Variants in ALDH4A1 observed in about 807,000 individuals in gnomAD.
ALDH4A1 encodes the protein delta-1-pyrroline-5-carboxylate dehydrogenase, mitochondrial.
A neutral mutation model predicts 70.5 loss-of-function variants in ALDH4A1; 46 were observed. That is an observed-to-expected ratio of 0.65 (90% confidence interval 0.51 to 0.83). The LOEUF is 0.83. ALDH4A1 is among the 40% of genes least tolerant of loss of function. The probability of loss-of-function intolerance (pLI) is 0.00; values close to 1 mark genes in which losing one functional copy is unlikely to be tolerated. For missense variants in ALDH4A1, 749 were observed against 766.5 expected, an observed-to-expected ratio of 0.98 and a Z score of 0.27; for synonymous variants, 323 against 324.3, an observed-to-expected ratio of 1.00 and a Z score of 0.04.
intron 1 of ALDH4A1, chr1:18,890,778 C>G (rs1359002839): frequency 3.0e-6 from 3 of 985,410 alleles, no homozygotes; most frequent in Non-Finnish European, 2.4e-6. Flanking sequence ...CCTTTCTTCT[C>G]CCACAAGGCA....
chr1:18,886,452 A>T lies in ALDH4A1; in HGVS notation c.297+12T>A. On this transcript the variant is annotated intron_variant, in intron 4 of 14. Transcript: ENST00000375341. ...CCTAACCCCGGGTCACCAGGCACACAGGCTCACTCACCTTGTCTGCATAAC... is the reference window on the plus strand; with the variant it reads ...CCTAACCCCGGGTCACCAGGCACACTGGCTCACTCACCTTGTCTGCATAAC... 1.9e-6 allele frequency: 3 copies of T among 1,614,096 alleles called. No homozygotes were observed. Among genetic ancestry groups the T allele is most frequent in the Non-Finnish European group, 2.5e-6 (3 of 1,179,950 alleles).
At chr1:18,888,922 T>C (rs1935326850) in intron 3 of ALDH4A1, among the ~76,000 whole-genome samples, 2 of 152,212 alleles carry the variant, frequency 1.3e-5, no homozygotes, top group East Asian at 1.9e-4. Context: ...GCTGACCTTT[T>C]ATTCTCCCTC....
intron 5 of ALDH4A1, among the ~76,000 whole-genome samples, chr1:18,883,673 T>C (rs1935081868): frequency 6.6e-6 from 1 of 152,218 alleles, no homozygotes; most frequent in African/African-American, 2.4e-5. Context: ...TTAGTGATCC[T>C]CTGTAGCAGG....
chr1:18,894,316 G>A (rs182805943), intron 1 of ALDH4A1, among the ~76,000 whole-genome samples: 19 of 152,286 alleles, frequency 1.2e-4, no homozygotes, highest in African/African-American at 2.4e-4. Context: ...TGAGGTGGGC[G>A]GATTGCTTGA....
intron 1 of ALDH4A1, among the ~76,000 whole-genome samples, chr1:18,900,582 T>G (rs1935767021): frequency 6.6e-6 from 1 of 152,158 alleles, no homozygotes; most frequent in Admixed American, 6.5e-5. Flanking sequence ...GAGACGCTGC[T>G]AAACATTCTA....
Position 18,871,923 on chromosome 1 carries a change from C to G in ALDH4A1, c.*922G>C, listed in dbSNP as rs538426496. Reference sequence around the variant, plus strand: ...AACGTCCTCGGCCCATGCTGACGAACCCAAGGCCAGGCCTCTGGGGGCTGG... The same window carrying G: ...AACGTCCTCGGCCCATGCTGACGAAGCCAAGGCCAGGCCTCTGGGGGCTGG... On this transcript the variant is annotated 3_prime_UTR_variant, in exon 15 of 15. Transcript: ENST00000375341. The G allele has an allele frequency of 6.6e-6, 1 of 152,502 alleles. No homozygotes were observed. Among genetic ancestry groups the G allele is most frequent in the South Asian group, 2.1e-4 (1 of 4,832 alleles). The allele number at this position is 152,502 out of a possible 1,614,324, so 9.4% of individuals were successfully genotyped here. A position where few individuals can be genotyped will look rare whatever the true frequency, so the allele number is the denominator to read the frequency against.
rs1557629754 is a variant in ALDH4A1, at chr1:18,898,184, ATGG to A, written c.62+4275_62+4277del. Among the ~76,000 whole-genome samples the A allele has an allele frequency of 6.6e-6, 1 of 151,830 alleles. No homozygotes were observed. Among genetic ancestry groups the A allele is most frequent in the Non-Finnish European group, 1.5e-5 (1 of 67,940 alleles). ...AAAAAAATACAAAAATTAGCTGGGT[ATGG>A]TGATGTGCGCCTGTAGTTCCAGCTA... is the stretch of plus-strand genomic sequence containing the variant. On this transcript the variant is annotated intron_variant, in intron 1 of 14. Transcript: ENST00000375341. This position sits in a 1 kb window ranked among gnomAD's most constrained non-coding sequence, Gnocchi z 4.3.
intron 3 of ALDH4A1, among the ~76,000 whole-genome samples, chr1:18,888,036 G>A (rs1013383795): frequency 2.0e-4 from 30 of 152,180 alleles, no homozygotes; most frequent in African/African-American, 5.3e-4. Context: ...CTACCTATCC[G>A]TCTTCTGGTG....
chr1:18,900,832 C>T, intron 1 of ALDH4A1: 1 of 982,970 alleles, frequency 1.0e-6, no homozygotes, highest in African/African-American at 1.7e-5. Context: ...TCTCTGATGG[C>T]AGATCGTTTC....
At chr1:18,900,421 C>T (rs187825623) in intron 1 of ALDH4A1, among the ~76,000 whole-genome samples, 180 of 152,324 alleles carry the variant, frequency 1.2e-3, no homozygotes, top group African/African-American at 4.1e-3. Context: ...AAAGCTGTTC[C>T]TCTAGAGCAC....
intron 7 of ALDH4A1, chr1:18,882,454 C>T (rs1462453271): frequency 1.1e-5 from 5 of 464,570 alleles, no homozygotes; most frequent in South Asian, 6.2e-5. Flanking sequence ...GGCTGCACCT[C>T]CCCCACAGGC....
chr1:18,888,874 G>A (rs890074337), intron 3 of ALDH4A1, among the ~76,000 whole-genome samples: 7 of 152,198 alleles, frequency 4.6e-5, no homozygotes, highest in Non-Finnish European at 1.0e-4. Context: ...GGTTTCAGCC[G>A]GACAGAGCCA....
chr1:18,887,780 T>C (rs146156372), intron 3 of ALDH4A1, among the ~76,000 whole-genome samples: 51 of 152,314 alleles, frequency 3.3e-4, no homozygotes, highest in Middle Eastern at 3.4e-3. Context: ...CCTCAGCCTG[T>C]AAGCAGCGGT....
rs752816518 is a variant in ALDH4A1, at chr1:18,883,289, C to T, written c.593G>A (p.Arg198Gln). 25 of 1,613,146 alleles carry T rather than the reference C, an allele frequency of 1.5e-5. No homozygotes were observed. The highest frequency in any genetic ancestry group is 1.1e-4 in the East Asian group (5 of 44,902). ...GCCTCCTGCAGGTACCTCCAGACCCCGGTACACCGTGCTGTTGGTGCTCGG... is the reference window on the plus strand; with the variant it reads ...GCCTCCTGCAGGTACCTCCAGACCCTGGTACACCGTGCTGTTGGTGCTCGG... Reference protein sequence around the residue: ...VPPSTNSTVYRGLEGFVAAIS... With the variant: ...VPPSTNSTVYQGLEGFVAAIS... Residue 198 changes from arginine to glutamine, a missense_variant, in exon 6 of 15, where the codon CGG becomes CAG. By Grantham distance (43) the Arg-to-Gln change is conservative. Transcript: ENST00000375341.
At chr1:18,876,660 A>AGTGTGTGTGT (rs1934698798) in intron 11 of ALDH4A1, among the ~76,000 whole-genome samples, 193 bp from the exon 12 acceptor site, 6 of 2,844 alleles carry the variant, frequency 2.1e-3, no homozygotes, top group African/African-American at 4.0e-3. Flanking sequence ...AGACATGAAC[A>AGTGTGTGTGT]CTGTGTGTGT....
chr1:18,879,519 A>T lies in ALDH4A1; in HGVS notation c.867-146T>A, dbSNP rs1392633763. 38 of 740,990 alleles carry T rather than the reference A, an allele frequency of 5.1e-5. No individual in the cohort carries two copies. The East Asian group carries it at 1.0e-3, about 20-fold the overall frequency. 45.9% of individuals were successfully genotyped at this position (740,990 alleles called of 1,614,324 possible). ...GGCGGCTGGGAACAGGCTGCATTCCAAGACTACGGGGAGCGGGCAACGGGG... is the reference window on the plus strand; with the variant it reads ...GGCGGCTGGGAACAGGCTGCATTCCTAGACTACGGGGAGCGGGCAACGGGG... On this transcript the variant is annotated intron_variant, in intron 8 of 14. Transcript: ENST00000375341.
chr1:18,886,585 G>A (rs1935212662), intron 3 of ALDH4A1, 74 bp from the exon 4 acceptor site: 3 of 1,546,646 alleles, frequency 1.9e-6, no homozygotes, highest in East Asian at 2.2e-5. Flanking sequence ...ACTGGACTCA[G>A]AGCCGGTTTT....
chr1:18,876,098 C>T (rs1212981400), intron 12 of ALDH4A1, among the ~76,000 whole-genome samples: 1 of 152,200 alleles, frequency 6.6e-6, no homozygotes, highest in African/African-American at 2.4e-5. Flanking sequence ...AATGCTCAGA[C>T]CCCAGCCAGG....
intron 4 of ALDH4A1, 123 bp downstream of exon 4, chr1:18,886,341 C>T: frequency 8.9e-7 from 1 of 1,127,112 alleles, no homozygotes; most frequent in Non-Finnish European, 1.3e-6. Flanking sequence ...GCCCACCTAC[C>T]CACCATGGCC....
Sources: allele counts gnomAD v4.1 joint callset (sites outside exome capture counted in the v4.1 genomes callset), GRCh38; gene constraint gnomAD v4.1.1; non-coding constraint Gnocchi (gnomAD v3.1); transcripts MANE v1.5; gene names NCBI Gene and HGNC (gene_info 2026-07-23, HGNC 2026-07-21).